USP28: variants seen among roughly 807,000 people sequenced by gnomAD.
USP28 encodes the protein ubiquitin specific peptidase 28.
Under a neutral mutation model 145.0 loss-of-function variants are expected in USP28, and 113 were observed. The ratio of observed to expected loss-of-function variants is 0.78; its 90% CI spans 0.67 to 0.91. The LOEUF (loss-of-function observed/expected upper bound fraction) is 0.91. Ranked by LOEUF, USP28 falls within the 40% of genes least tolerant of loss-of-function variation. The pLI is 0.00. For synonymous variants in USP28, 447 were observed against 450.9 expected, an observed-to-expected ratio of 0.99 and a Z score of 0.11; for missense variants, 1,201 against 1,289.6, an observed-to-expected ratio of 0.93 and a Z score of 1.05.
chr11:113,855,908 G>A (rs562000572), intron 1 of USP28, among the ~76,000 whole-genome samples: 70 of 152,162 alleles, frequency 4.6e-4, no homozygotes, highest in African/African-American at 1.6e-3. Context: ...GCACAACTCC[G>A]TCTCAATAAA....
intron 3 of USP28, among the ~76,000 whole-genome samples, chr11:113,843,596 A>T (rs1945455252): frequency 6.7e-6 from 1 of 150,034 alleles, no homozygotes; most frequent in East Asian, 2.0e-4. Flanking sequence ...GCTTGAACCC[A>T]GGAGGCGGAG....
intron 1 of USP28, among the ~76,000 whole-genome samples, chr11:113,868,524 G>T (rs1041687139): frequency 5.9e-5 from 9 of 152,168 alleles, no homozygotes; most frequent in Non-Finnish European, 1.3e-4. Context: ...AGAATGGCTT[G>T]AAGTCACAGC....
chr11:113,808,975 A>G, intron 17 of USP28, 88 bp downstream of exon 17: 1 of 1,283,924 alleles, frequency 7.8e-7, no homozygotes, highest in Non-Finnish European at 1.1e-6. Flanking sequence ...CTGTGGCATC[A>G]CCTAGCCAGC....
chr11:113,867,567 A>G (rs1948403158), intron 1 of USP28, among the ~76,000 whole-genome samples: 1 of 142,056 alleles, frequency 7.0e-6, no homozygotes, highest in Non-Finnish European at 1.5e-5. Flanking sequence ...GCCTCAATTG[A>G]AAAAAAAAAA....
intron 9 of USP28, among the ~76,000 whole-genome samples, chr11:113,829,997 GATATGTTAAA>G (rs1943809229): frequency 6.6e-6 from 1 of 152,054 alleles, no homozygotes; most frequent in Non-Finnish European, 1.5e-5. Context: ...AGAACATGGG[GATATGTTAAA>G]ATATGTTAAA....
intron 1 of USP28, among the ~76,000 whole-genome samples, chr11:113,872,175 T>C (rs2137224224): frequency 6.6e-6 from 1 of 152,340 alleles, no homozygotes. Context: ...ATTTCTTTGA[T>C]GAAACAGAAC....
intron 5 of USP28, chr11:113,835,335 G>A (rs1565422947): frequency 2.2e-6 from 1 of 455,996 alleles, no homozygotes; most frequent in Non-Finnish European, 4.4e-6. Context: ...ATCCTAGGTA[G>A]ATAATAGGCA....
intron 16 of USP28, among the ~76,000 whole-genome samples, chr11:113,811,003 A>C (rs532132483): frequency 2.6e-5 from 4 of 152,192 alleles, no homozygotes; most frequent in Non-Finnish European, 5.9e-5. Flanking sequence ...CCACACAGTA[A>C]AGTTTGAATA....
intron 1 of USP28, among the ~76,000 whole-genome samples, chr11:113,865,489 A>G (rs193101534): frequency 2.2e-4 from 34 of 152,334 alleles, no homozygotes; most frequent in African/African-American, 8.2e-4. Flanking sequence ...TAGTACTGGC[A>G]TAAGGACAGA....
At chr11:113,807,158 C>T (rs1030625969) in intron 18 of USP28, among the ~76,000 whole-genome samples, 14 of 152,064 alleles carry the variant, frequency 9.2e-5, no homozygotes, top group Admixed American at 6.5e-4. Context: ...CTGCAACCTC[C>T]GCCTCCCGGG....
At chr11:113,852,438 A>G (rs1276091139) in intron 3 of USP28, 63 bp downstream of exon 3, 1 of 1,601,248 alleles carries the variant, frequency 6.2e-7, no homozygotes, top group Non-Finnish European at 8.5e-7. Context: ...GAACTCACAT[A>G]TACTTGGTTT....
chr11:113,866,046 C>T lies in USP28; in HGVS notation c.57+9399G>A, dbSNP rs181048658. Among the ~76,000 whole-genome samples the T allele has an allele frequency of 7.2e-5, 11 of 152,258 alleles. No individual in the cohort carries two copies. In the East Asian group the frequency reaches 7.7e-4, roughly 11 times the overall value. The stretch of plus-strand genomic sequence containing the variant: ...GGCACGGTGGCTCATGCCTGTAATC[C>T]GAGCACTCCGGGAGGCCAATGTGGA... On this transcript the variant is annotated intron_variant, in intron 1 of 24. Coordinates refer to ENST00000003302, the Ensembl canonical transcript of USP28.
At chr11:113,833,267 C>A (rs1944214844) in intron 7 of USP28, among the ~76,000 whole-genome samples, 153 bp downstream of exon 7, 1 of 152,140 alleles carries the variant, frequency 6.6e-6, no homozygotes, top group African/African-American at 2.4e-5. Flanking sequence ...TCTCTCTCAC[C>A]ACCTGTTCTG....
At chr11:113,841,175 G>A (rs568376071) in intron 4 of USP28, among the ~76,000 whole-genome samples, 15 of 152,256 alleles carry the variant, frequency 9.9e-5, no homozygotes, top group African/African-American at 3.4e-4. Flanking sequence ...AAACATCTCA[G>A]CAGTGTGAGG....
intron 10 of USP28, among the ~76,000 whole-genome samples, chr11:113,827,749 T>TA (rs901944057): frequency 7.9e-5 from 12 of 152,246 alleles, no homozygotes; most frequent in African/African-American, 2.9e-4. Context: ...AATATGAAAT[T>TA]ATGATCGAAG....
intron 1 of USP28, chr11:113,874,423 GAA>G (rs778295743): frequency 0.034 from 13,865 of 409,440 alleles, 10 homozygotes; most frequent in African/African-American, 0.063. Context: ...AGACTCTGTC[GAA>G]AAAAAAAAAA....
intron 1 of USP28, among the ~76,000 whole-genome samples, chr11:113,866,718 C>G (rs1007247543): frequency 6.6e-6 from 1 of 152,178 alleles, no homozygotes; most frequent in African/African-American, 2.4e-5. Context: ...ACTTCCCCAG[C>G]AACCTTGGAA....
chr11:113,823,849 C>G, intron 11 of USP28, 149 bp from the exon 12 acceptor site: 1 of 533,836 alleles, frequency 1.9e-6, no homozygotes, highest in East Asian at 3.2e-5. Flanking sequence ...AAGGTTAAAA[C>G]TGATGCATTC....
chr11:113,809,326 A>C (rs1591509429), intron 16 of USP28, 72 bp from the exon 17 acceptor site: 7 of 1,448,482 alleles, frequency 4.8e-6, no homozygotes, highest in East Asian at 2.3e-5. Flanking sequence ...AGAAGAAAGC[A>C]GGGTATTTCA....
Sources: allele counts gnomAD v4.1 joint callset (sites outside exome capture counted in the v4.1 genomes callset), GRCh38; gene constraint gnomAD v4.1.1; transcripts MANE v1.5; gene names NCBI Gene and HGNC (gene_info 2026-07-23, HGNC 2026-07-21).